The following HNMT variants were observed in gnomAD, a reference collection of about 807,000 sequenced individuals.
HNMT encodes histamine N-methyltransferase.
In HNMT, 30 loss-of-function variants were observed where a neutral mutation model predicts 32.1. That is an observed-to-expected ratio of 0.93 (90% CI 0.70 to 1.27). The LOEUF is 1.27. HNMT is among the 50% of genes most tolerant of loss of function. The pLI, the probability that HNMT is intolerant of heterozygous loss-of-function variation, is 0.00. For synonymous variants in HNMT, 125 were observed against 119.0 expected (o/e 1.05, Z -0.33); for missense variants, 327 against 346.0 (o/e 0.95, Z 0.43).
In HNMT at chr2:138,005,281, G is replaced by A. The variant is rs16840064; in HGVS notation, c.523+56G>A. On this transcript the variant is annotated intron_variant, in intron 5 of 5. Coordinates refer to ENST00000280097, the MANE Select transcript of HNMT (RefSeq NM_006895.3). ...AAACAGCAATAATACACGTATGCATGGATTCCTGTGTTTGAAAGAAGCTTA... is the reference window on the plus strand; with the variant it reads ...AAACAGCAATAATACACGTATGCATAGATTCCTGTGTTTGAAAGAAGCTTA... The A allele has an allele frequency of 0.02, 18,647 of 914,236 alleles. 2,225 individuals are homozygous for A. In the African/African-American group the frequency reaches 0.27, roughly 13 times the overall value. 56.6% of individuals were successfully genotyped at this position (914,236 alleles called of 1,614,324 possible).
At chr2:138,001,754 C>G (rs1368693918) in intron 3 of HNMT, among the ~76,000 whole-genome samples, 1 of 152,074 alleles carries the variant, frequency 6.6e-6, no homozygotes, top group Admixed American at 6.6e-5. Context: ...ACAAACATAT[C>G]TGTTTCCAAT....
At chr2:137,993,393 A>C (rs2104961144) in intron 2 of HNMT, among the ~76,000 whole-genome samples, 1 of 152,298 alleles carries the variant, frequency 6.6e-6, no homozygotes, top group Middle Eastern at 3.4e-3. Context: ...ACAGCACGAG[A>C]ACTTCCTGAA....
intron 2 of HNMT, among the ~76,000 whole-genome samples, chr2:137,972,401 C>T (rs959431074): frequency 2.0e-5 from 3 of 152,034 alleles, no homozygotes; most frequent in Non-Finnish European, 2.9e-5. Context: ...CCACCATGCC[C>T]GACAGAGATC....
chr2:137,999,412 C>T (rs141523920), intron 2 of HNMT, among the ~76,000 whole-genome samples: 10 of 152,244 alleles, frequency 6.6e-5, no homozygotes, highest in African/African-American at 2.4e-4. Flanking sequence ...CCCTCCTTCC[C>T]TCCACACACA....
At chr2:137,988,899 CATT>C (rs1159344074) in intron 2 of HNMT, among the ~76,000 whole-genome samples, 2 of 152,108 alleles carry the variant, frequency 1.3e-5, no homozygotes, top group Admixed American at 6.5e-5. Context: ...ATATTTTTGT[CATT>C]GTTGTTTTAT....
intron 2 of HNMT, among the ~76,000 whole-genome samples, chr2:137,994,328 G>T (rs1213401976): frequency 6.6e-6 from 1 of 152,142 alleles, no homozygotes; most frequent in Admixed American, 6.5e-5. Flanking sequence ...AGGGGATGGA[G>T]GAAAATTTAC....
At chr2:138,012,545 GCT>G (rs1681538966) in intron 5 of HNMT, among the ~76,000 whole-genome samples, 1 of 152,082 alleles carries the variant, frequency 6.6e-6, no homozygotes, top group Admixed American at 6.6e-5. Flanking sequence ...CATTTACTGT[GCT>G]CTTTCTTTCC....
At chr2:137,987,925 A>G (rs1573658416) in intron 2 of HNMT, among the ~76,000 whole-genome samples, 2 of 152,126 alleles carry the variant, frequency 1.3e-5, no homozygotes, top group African/African-American at 2.4e-5. Context: ...GCTCTGTGGG[A>G]AAGACCACTA....
chr2:138,011,247 C>A (rs954172498), intron 5 of HNMT, among the ~76,000 whole-genome samples: 3 of 152,060 alleles, frequency 2.0e-5, no homozygotes, highest in Admixed American at 6.6e-5. Context: ...CTCTCTTCAA[C>A]CACTGAAATG....
intron 2 of HNMT, among the ~76,000 whole-genome samples, chr2:137,976,600 T>C (rs1417330813): frequency 6.6e-6 from 1 of 152,196 alleles, no homozygotes; most frequent in Non-Finnish European, 1.5e-5. Flanking sequence ...TGGATTTTAA[T>C]TGCTTATAAC....
At chr2:137,971,367 A>G (rs1175919575) in intron 2 of HNMT, among the ~76,000 whole-genome samples, 4 of 152,070 alleles carry the variant, frequency 2.6e-5, no homozygotes, top group Non-Finnish European at 5.9e-5. Context: ...TTTAATAGAG[A>G]CGGGGTTTCA....
chr2:137,989,007 G>A (rs1266819837), intron 2 of HNMT, among the ~76,000 whole-genome samples: 4 of 152,162 alleles, frequency 2.6e-5, no homozygotes, highest in African/African-American at 9.7e-5. Flanking sequence ...TCTCAAGCAT[G>A]CATTGTCTCC....
intron 2 of HNMT, among the ~76,000 whole-genome samples, chr2:137,980,718 AAC>A (rs1242688965): frequency 6.6e-6 from 1 of 152,182 alleles, no homozygotes; most frequent in Non-Finnish European, 1.5e-5. Flanking sequence ...AACAAATGGC[AAC>A]ACCCTTTTGA....
chr2:137,981,066 G>C, intron 2 of HNMT: 1 of 1,027,114 alleles, frequency 9.7e-7, no homozygotes, highest in Non-Finnish European at 1.3e-6. Context: ...GAACAAAAAT[G>C]ATAATAATCT....
chr2:138,004,944 C>G (rs1205387616), intron 4 of HNMT, among the ~76,000 whole-genome samples, 188 bp from the exon 5 acceptor site: 1 of 152,030 alleles, frequency 6.6e-6, no homozygotes, highest in African/African-American at 2.4e-5. Flanking sequence ...TTTTCCATTT[C>G]CCCAAATATT....
Position 137,964,558 on chromosome 2 carries a change from C to T in HNMT, c.67C>T (p.Leu23Phe), listed in dbSNP as rs764377685. ...GKYVESFRRF[L>F]NHSTEHQCMQ... Reference sequence around the variant, plus strand: ...ATATGTTGAATCTTTCCGGAGGTTTCTCAACCATTCCACGGAACACCAGTG... The same window carrying T: ...ATATGTTGAATCTTTCCGGAGGTTTTTCAACCATTCCACGGAACACCAGTG... Residue 23 changes from leucine (L) to phenylalanine (F), a missense_variant, in exon 1 of 6, where the codon CTC (leucine) becomes TTC (phenylalanine). Leu to Phe is a conservative substitution (Grantham distance 22). Coordinates refer to ENST00000280097, the MANE Select transcript of HNMT (RefSeq NM_006895.3). 1 of 1,613,696 alleles carries T rather than the reference C, an allele frequency of 6.2e-7. No individual in the cohort carries two copies. Among genetic ancestry groups the T allele is most frequent in the South Asian group, 1.1e-5 (1 of 91,072 alleles).
At chr2:137,979,445 G>A (rs551727330) in intron 2 of HNMT, among the ~76,000 whole-genome samples, 1 of 151,878 alleles carries the variant, frequency 6.6e-6, no homozygotes, top group South Asian at 2.1e-4. Flanking sequence ...GTAGAGACGG[G>A]GTTTCACCCT....
At chr2:138,008,718 G>A (rs1325355041) in intron 5 of HNMT, among the ~76,000 whole-genome samples, 1 of 151,982 alleles carries the variant, frequency 6.6e-6, no homozygotes, top group East Asian at 1.9e-4. Context: ...TAACTGGCTA[G>A]CCATATGCAG....
chr2:137,993,088 G>A (rs1680873709), intron 2 of HNMT, among the ~76,000 whole-genome samples: 2 of 152,258 alleles, frequency 1.3e-5, no homozygotes, highest in South Asian at 4.1e-4. Flanking sequence ...AACTCACGAA[G>A]TCAAGAAAGA....
Sources: gnomAD v4.1 joint callset for allele counts (sites outside exome capture counted in the v4.1 genomes callset) on GRCh38, gnomAD v4.1.1 for gene constraint, MANE v1.5 for transcripts, NCBI Gene and HGNC (gene_info 2026-07-23, HGNC 2026-07-21) for gene names.